The following ZAN variants were observed in gnomAD, a reference collection of about 807,000 sequenced individuals.
ZAN encodes the protein zonadhesin.
In ZAN, 260 loss-of-function variants were observed where a neutral mutation model predicts 286.2. The ratio of observed to expected loss-of-function variants is 0.91; its 90% confidence interval spans 0.82 to 1.01. The LOEUF is 1.01. Among genes scored for constraint, ZAN ranks in the 50% least tolerant of loss-of-function variants. The pLI, the probability that ZAN is intolerant of heterozygous loss-of-function variation, is 0.00. For missense variants in ZAN, 3,410 were observed against 3,639.2 expected (o/e 0.94, Z 1.62); for synonymous variants, 1,368 against 1,417.5 (o/e 0.97, Z 0.79).
Position 100,753,131 on chromosome 7 carries a change from C to A in ZAN, c.3026C>A (p.Ala1009Asp), listed in dbSNP as rs377214668. 9 of 1,613,850 alleles carry A rather than the reference C, an allele frequency of 5.6e-6. No individual in the cohort carries two copies. Among genetic ancestry groups the A allele is most frequent in the African/African-American group, 5.3e-5 (4 of 74,946 alleles). The change falls in exon 14 of 48, where the codon GCC (alanine) becomes GAC (aspartate). Residue 1009 changes from alanine (A) to aspartate (D), a missense_variant. This residue lies in a region of ZAN where 1,042 missense variants were observed against 1,058.0 expected (regional missense o/e 0.98). Transcript: ENST00000613979. ...AGGCCACCCCATCCCAGCCCCACAG[C>A]CACTGGGCTGGCAGCCTTGGTGATG... ...ALRPPHPSPT[A>D]TGLAALVMSP...
Position 100,733,861 on chromosome 7 carries a change from C to A in ZAN, c.-142-166C>A, listed in dbSNP as rs1284708824. ...TTTTCCTTTGTTCTCTCTTTTTGAACTCCTTTCGTTTGAGGTTAGACTTCC... is the reference window on the plus strand; with the variant it reads ...TTTTCCTTTGTTCTCTCTTTTTGAAATCCTTTCGTTTGAGGTTAGACTTCC... On this transcript the variant is annotated intron_variant, in intron 1 of 47. Coordinates refer to ENST00000613979, the MANE Select transcript of ZAN (RefSeq NM_003386.3). 1.4e-5 allele frequency among the ~76,000 whole-genome samples: 2 copies of A among 140,938 alleles called. 1 individual carries two copies. The highest frequency in any genetic ancestry group is 5.2e-5 in the African/African-American group (2 of 38,658). 92.5% of individuals were successfully genotyped at this position (140,938 alleles called of 152,430 possible). A position where few individuals can be genotyped will look rare whatever the true frequency, so the allele number is the denominator to read the frequency against.
intron 6 of ZAN, 130 bp from the exon 7 acceptor site, chr7:100,738,331 C>A: frequency 1.1e-6 from 1 of 876,010 alleles, no homozygotes; most frequent in South Asian, 1.5e-5. Context: ...GGTGGGAGGA[C>A]CGCTTGAGTC....
At chr7:100,747,740 C>A in intron 9 of ZAN, 99 bp downstream of exon 9, 1 of 1,224,228 alleles carries the variant, frequency 8.2e-7, no homozygotes, top group Non-Finnish European at 1.2e-6. Flanking sequence ...CCTGTATTCC[C>A]AATACTTTGG....
intron 39 of ZAN, among the ~76,000 whole-genome samples, chr7:100,789,952 A>C (rs935993533): frequency 5.3e-5 from 8 of 151,326 alleles, no homozygotes; most frequent in African/African-American, 1.7e-4. Flanking sequence ...TCTCAAAAAA[A>C]ATTTTTTTTT....
At chr7:100,759,647 A>G in intron 17 of ZAN, 74 bp from the exon 18 acceptor site, 1 of 1,469,286 alleles carries the variant, frequency 6.8e-7, no homozygotes, top group South Asian at 1.3e-5. Flanking sequence ...CTGCGGCGCC[A>G]GGCTCAGGGC....
intron 39 of ZAN, among the ~76,000 whole-genome samples, chr7:100,790,608 C>A (rs1379085196): frequency 6.7e-6 from 1 of 148,336 alleles, no homozygotes; most frequent in African/African-American, 2.5e-5. Flanking sequence ...GAGGGCTAGG[C>A]GCGGTGGCTC....
At chr7:100,792,606 C>T in intron 42 of ZAN, 127 bp downstream of exon 42, 2 of 1,501,072 alleles carry the variant, frequency 1.3e-6, no homozygotes, top group South Asian at 2.7e-5. Flanking sequence ...CTGCTGAACG[C>T]TCTTCCCACC....
In ZAN at chr7:100,791,852, C is replaced by T. The variant is rs574655870; in HGVS notation, c.7530-114C>T. 3.3e-5 allele frequency: 43 copies of T among 1,298,850 alleles called. No homozygotes were observed. The East Asian group carries it at 4.4e-4, about 13-fold the overall frequency. 80.5% of individuals were successfully genotyped at this position (1,298,850 alleles called of 1,614,324 possible). The stretch of plus-strand genomic sequence containing the variant: ...AAGTCATCCTCCTGCCTCAGCCTCC[C>T]GGGTAGCTGGGACTCCAGGCAGCCA... On this transcript the variant is annotated intron_variant, in intron 40 of 47. Transcript: ENST00000613979.
chr7:100,744,033 T>C (rs1221732968), intron 7 of ZAN, among the ~76,000 whole-genome samples: 1 of 150,970 alleles, frequency 6.6e-6, no homozygotes, highest in Non-Finnish European at 1.5e-5. Flanking sequence ...TCTTTGTTCT[T>C]CTTTTCCCTT....
intron 19 of ZAN, among the ~76,000 whole-genome samples, chr7:100,761,164 A>T (rs1809547072): frequency 6.6e-6 from 1 of 152,100 alleles, no homozygotes; most frequent in African/African-American, 2.4e-5. Flanking sequence ...AAAGTCTTGG[A>T]ATTACAGGGG....
At chr7:100,755,205 C>A in intron 14 of ZAN, 21 bp from the exon 15 acceptor site, 1 of 1,598,342 alleles carries the variant, frequency 6.3e-7, no homozygotes, top group African/African-American at 1.3e-5. Flanking sequence ...GAAAGCATGA[C>A]AGAGGCTGTT....
At position 100,746,552 on chromosome 7, in the gene ZAN, C is replaced by G; in HGVS notation, c.781C>G (p.Leu261Val). 6.2e-7 allele frequency: 1 copy of G among 1,613,940 alleles called. No homozygotes were observed. Among genetic ancestry groups the G allele is most frequent in the South Asian group, 1.1e-5 (1 of 91,072 alleles). Residue 261 changes from leucine to valine, a missense_variant, in exon 8 of 48, where the codon CTC becomes GTC. Coordinates refer to ENST00000613979, the MANE Select transcript of ZAN (RefSeq NM_003386.3). ...TTGCTTCACAGGTGGCTGCTACATG[C>G]TCCTGGACCCCAAGAATGCAAGACC... ...FSSPGSGCYMLLDPKNARPGQ... is the reference protein window; with the variant it reads ...FSSPGSGCYMVLDPKNARPGQ...
rs1290528626 is a variant in ZAN, at chr7:100,750,851, G to A, written c.1476G>A (p.Gln492=). The change falls in exon 12 of 48, where the codon CAG becomes CAA. Residue 492 remains glutamine, a synonymous_variant. Coordinates refer to ENST00000613979, the MANE Select transcript of ZAN (RefSeq NM_003386.3). ...KRVGSQRPYW[Q]NTSVTVPSGH... ...TGGGGTCTCAGCGCCCTTACTGGCA[G>A]AACACCTCCGTCACCGTCCCCTCAG... is the stretch of plus-strand genomic sequence containing the variant. The A allele has an allele frequency of 6.3e-7, 1 of 1,580,140 alleles. No homozygotes were observed. The highest frequency in any genetic ancestry group is 1.7e-5 in the Admixed American group (1 of 57,622).
chr7:100,763,845 T>C lies in ZAN; in HGVS notation c.4026T>C (p.Asp1342=), dbSNP rs891619617. The change falls in exon 21 of 48, where the codon GAT becomes GAC. Residue 1342 remains aspartate, a synonymous_variant. Transcript: ENST00000613979. The surrounding 1 kb of genome is among the most constrained non-coding windows in gnomAD (Gnocchi z 4.6). The stretch of plus-strand genomic sequence containing the variant: ...AGGTGGTGAATTCCCCGTCTTGTGA[T>C]TCATCTCTGCAGAGCAGCATGTCGG... ...KYQVVNSPSC[D]SSLQSSMSGP... 3 of 1,614,040 alleles carry C rather than the reference T, an allele frequency of 1.9e-6. No individual in the cohort carries two copies. Among genetic ancestry groups the C allele is most frequent in the Admixed American group, 1.7e-5 (1 of 60,018 alleles).
intron 3 of ZAN, 84 bp downstream of exon 3, chr7:100,735,856 C>T: frequency 8.9e-7 from 1 of 1,123,610 alleles, no homozygotes; most frequent in Non-Finnish European, 1.3e-6. Flanking sequence ...TTCCTGAGTT[C>T]CTAGCAGGAG....
intron 19 of ZAN, among the ~76,000 whole-genome samples, chr7:100,761,626 C>T (rs550777324): frequency 1.3e-5 from 2 of 151,066 alleles, no homozygotes; most frequent in South Asian, 4.2e-4. Context: ...AGAGGGTGAC[C>T]CTATCTCTAA....
Position 100,750,803 on chromosome 7 carries a change from C to G in ZAN, c.1428C>G (p.Pro476=). 1 of 1,609,068 alleles carries G rather than the reference C, an allele frequency of 6.2e-7. No individual in the cohort carries two copies. The highest frequency in any genetic ancestry group is 2.2e-5 in the East Asian group (1 of 44,752). Residue 476 remains proline, a synonymous_variant, in exon 12 of 48, where the codon CCC becomes CCG. Transcript: ENST00000613979. ...ELLLGSPAGS[P]PIPLWKRVGS... Reference sequence around the variant, plus strand: ...TCCTGGGAAGTCCTGCGGGGAGTCCCCCGATTCCTCTCTGGAAACGCGTGG... The same window carrying G: ...TCCTGGGAAGTCCTGCGGGGAGTCCGCCGATTCCTCTCTGGAAACGCGTGG...
At chr7:100,751,597 T>A in intron 13 of ZAN, 115 bp from the exon 14 acceptor site, 1 of 1,150,402 alleles carries the variant, frequency 8.7e-7, no homozygotes, top group Non-Finnish European at 1.2e-6. Context: ...GGTTTGGGAG[T>A]AGAAAGAGAG....
At chr7:100,785,794 G>T (rs1811522717) in intron 36 of ZAN, among the ~76,000 whole-genome samples, 1 of 152,062 alleles carries the variant, frequency 6.6e-6, no homozygotes. Flanking sequence ...GAGTAGCTGG[G>T]ATTACAAGTG....
Sources: allele counts gnomAD v4.1 joint callset (sites outside exome capture counted in the v4.1 genomes callset), GRCh38; gene constraint gnomAD v4.1.1; regional missense constraint gnomAD v4.1.1; non-coding constraint Gnocchi (gnomAD v3.1); transcripts MANE v1.5; gene names NCBI Gene and HGNC (gene_info 2026-07-23, HGNC 2026-07-21).